C8orf34: variants seen among roughly 807,000 people sequenced by gnomAD.
C8orf34 encodes uncharacterized protein C8orf34.
Under a neutral mutation model 68.3 loss-of-function variants are expected in C8orf34, and 65 were observed. The ratio of observed to expected loss-of-function variants is 0.95; its 90% CI spans 0.78 to 1.17. The LOEUF (loss-of-function observed/expected upper bound fraction) is 1.17. Ranked by LOEUF, C8orf34 falls within the 50% of genes most tolerant of loss-of-function variation. The pLI is 0.00. For missense variants in C8orf34, 664 were observed against 655.4 expected, an observed-to-expected ratio of 1.01 and a Z score of -0.14; for synonymous variants, 244 against 241.2, an observed-to-expected ratio of 1.01 and a Z score of -0.11.
chr8:68,394,110 T>C (rs1156927186), intron 1 of C8orf34, among the ~76,000 whole-genome samples: 1 of 152,080 alleles, frequency 6.6e-6, no homozygotes, highest in South Asian at 2.1e-4. Context: ...TATTATACTT[T>C]AAGTTTTAGG....
At chr8:68,622,197 A>C (rs1001447056) in intron 7 of C8orf34, among the ~76,000 whole-genome samples, 18 of 152,260 alleles carry the variant, frequency 1.2e-4, no homozygotes, top group African/African-American at 4.3e-4. Flanking sequence ...ACAAGTGTGC[A>C]AGCCAAGAAA....
chr8:68,764,734 C>T (rs919862365), intron 10 of C8orf34, among the ~76,000 whole-genome samples: 7 of 152,066 alleles, frequency 4.6e-5, no homozygotes, highest in Non-Finnish European at 8.8e-5. Flanking sequence ...ACTAGAGCAC[C>T]GGGAGCTTCC....
At chr8:68,622,532 G>A (rs1052010207) in intron 7 of C8orf34, among the ~76,000 whole-genome samples, 1 of 152,200 alleles carries the variant, frequency 6.6e-6, no homozygotes, top group Non-Finnish European at 1.5e-5. Context: ...TAGCAGTGTG[G>A]TAGGTCGATG....
chr8:68,533,956 T>C, intron 7 of C8orf34: 1 of 847,302 alleles, frequency 1.2e-6, no homozygotes, highest in African/African-American at 1.8e-5. Flanking sequence ...GTATTTTATT[T>C]AGAAAGAGAA....
chr8:68,572,261 A>G (rs1215360900), intron 7 of C8orf34, among the ~76,000 whole-genome samples: 3 of 150,780 alleles, frequency 2.0e-5, no homozygotes, highest in Non-Finnish European at 4.4e-5. Context: ...ACACACACAC[A>G]CACAGTATTT....
At chr8:68,672,231 T>C (rs1820035717) in intron 8 of C8orf34, among the ~76,000 whole-genome samples, 1 of 152,154 alleles carries the variant, frequency 6.6e-6, no homozygotes, top group Non-Finnish European at 1.5e-5. Flanking sequence ...AAGCCTCCAC[T>C]GATCATCCTC....
At chr8:68,511,732 T>C (rs948265122) in intron 5 of C8orf34, among the ~76,000 whole-genome samples, 2 of 152,176 alleles carry the variant, frequency 1.3e-5, no homozygotes, top group African/African-American at 4.8e-5. Flanking sequence ...AGAATACTCA[T>C]GGATAGTTTC....
chr8:68,529,437 G>A (rs1815152910), intron 6 of C8orf34, among the ~76,000 whole-genome samples: 1 of 152,094 alleles, frequency 6.6e-6, no homozygotes. Context: ...ATCTGTAATT[G>A]TGAAATTCAA....
At chr8:68,497,854 G>C (rs1311086678) in intron 5 of C8orf34, among the ~76,000 whole-genome samples, 1 of 152,078 alleles carries the variant, frequency 6.6e-6, no homozygotes, top group East Asian at 1.9e-4. Context: ...GGGGAATGGA[G>C]TTTCGCTCTT....
Position 68,818,185 on chromosome 8 carries a change from T to C in C8orf34, c.1610-54T>C, listed in dbSNP as rs184577080. ...CACAATTTTTCTTTTTAATATGCTA[T>C]AATGTAAACATGTTATTAAGCACAT... On this transcript the variant is annotated intron_variant, in intron 13 of 13. Transcript: ENST00000518698. The C allele has an allele frequency of 6.4e-5, 102 of 1,587,902 alleles. No homozygotes were observed. In the Admixed American group the frequency reaches 1.2e-3, roughly 19 times the overall value.
intron 1 of C8orf34, among the ~76,000 whole-genome samples, chr8:68,381,534 C>T (rs982933819): frequency 1.3e-5 from 2 of 151,204 alleles, no homozygotes; most frequent in South Asian, 2.1e-4. Context: ...AGATCGAGAC[C>T]ATCCTGGCTA....
At chr8:68,484,743 T>G (rs1267080925) in intron 4 of C8orf34, among the ~76,000 whole-genome samples, 1 of 152,184 alleles carries the variant, frequency 6.6e-6, no homozygotes, top group East Asian at 1.9e-4. Context: ...GTGAAGCGTT[T>G]CATTAAAATT....
intron 4 of C8orf34, 107 bp downstream of exon 4, chr8:68,468,927 G>T: frequency 8.1e-7 from 1 of 1,234,328 alleles, no homozygotes; most frequent in Non-Finnish European, 1.1e-6. Flanking sequence ...TTCTAATTCT[G>T]CAAGAGGCTG....
At position 68,331,330 on chromosome 8, in the gene C8orf34, CCT is replaced by C. The variant is rs1805578739; in HGVS notation, c.319_320del (p.Leu107ValfsTer2). ...ACCTGGAGAAGAACAAGATCGGTCC[CCT>C]GTTTGAGGTAAGGCGCTGTGGAGGA... ...AYLEKNKIGP[L>X]FEELMTKLIT... On this transcript the variant is annotated frameshift_variant, in exon 1 of 14. Coordinates refer to ENST00000518698, the MANE Select transcript of C8orf34 (RefSeq NM_052958.4). LOFTEE classifies it high-confidence loss of function. 10 of 1,536,420 alleles carry C rather than the reference CCT, an allele frequency of 6.5e-6. No homozygotes were observed. Among genetic ancestry groups the C allele is most frequent in the Non-Finnish European group, 8.7e-6 (10 of 1,146,974 alleles).
chr8:68,602,535 G>C (rs1040263656), intron 7 of C8orf34, among the ~76,000 whole-genome samples: 1 of 151,914 alleles, frequency 6.6e-6, no homozygotes, highest in Admixed American at 6.6e-5. Context: ...TAGCATGAGG[G>C]TAACCACCCC....
chr8:68,775,713 A>G (rs566658172), intron 10 of C8orf34, among the ~76,000 whole-genome samples: 1 of 152,236 alleles, frequency 6.6e-6, no homozygotes, highest in African/African-American at 2.4e-5. Flanking sequence ...CCTTAGCCTA[A>G]TTATGAGACT....
intron 1 of C8orf34, among the ~76,000 whole-genome samples, chr8:68,410,425 C>T (rs538616236): frequency 7.9e-5 from 12 of 152,244 alleles, no homozygotes; most frequent in African/African-American, 2.6e-4. Flanking sequence ...TTAGCCATTA[C>T]AAGTAATCTA....
chr8:68,796,817 TTC>T (rs1491503052), intron 12 of C8orf34, among the ~76,000 whole-genome samples: 1,665 of 101,118 alleles, frequency 0.016, 14 homozygotes, highest in African/African-American at 0.072. Context: ...TATATTTGAG[TTC>T]TTCTTTTTTT....
chr8:68,404,077 G>T (rs182023362), intron 1 of C8orf34, among the ~76,000 whole-genome samples: 1 of 152,080 alleles, frequency 6.6e-6, no homozygotes, highest in Non-Finnish European at 1.5e-5. Flanking sequence ...TCTTACTGGC[G>T]TGAGATGGTA....
Sources: allele counts gnomAD v4.1 joint callset (sites outside exome capture counted in the v4.1 genomes callset), GRCh38; gene constraint gnomAD v4.1.1; transcripts MANE v1.5; gene names NCBI Gene and HGNC (gene_info 2026-07-23, HGNC 2026-07-21).